Variants in FRS2 observed in about 807,000 individuals in gnomAD.
FRS2 encodes fibroblast growth factor receptor substrate 2, also known as FGFR signalling adaptor.
In FRS2, 8 loss-of-function variants were observed where a neutral mutation model predicts 43.9. That is an observed-to-expected ratio of 0.18 (90% confidence interval 0.11 to 0.33). The LOEUF is 0.33. FRS2 is among the 10% of genes least tolerant of loss of function. The probability of loss-of-function intolerance (pLI) is 1.00; values close to 1 mark genes in which losing one functional copy is unlikely to be tolerated. For synonymous variants in FRS2, 219 were observed against 220.3 expected (o/e 0.99, Z 0.05); for missense variants, 534 against 627.6 (o/e 0.85, Z 1.59).
chr12:69,541,824 C>CAAAA (rs10605112), intron 3 of FRS2, among the ~76,000 whole-genome samples: 1 of 90,842 alleles, frequency 1.1e-5, no homozygotes, highest in African/African-American at 4.3e-5. Context: ...GACCCTGTCT[C>CAAAA]AAAAAAAAAA....
intron 3 of FRS2, among the ~76,000 whole-genome samples, chr12:69,536,961 A>G (rs1301833502): frequency 1.3e-5 from 2 of 152,044 alleles, no homozygotes; most frequent in Non-Finnish European, 2.9e-5. Flanking sequence ...TGAGTTGGAC[A>G]TATATATTTG....
Position 69,474,414 on chromosome 12 carries a change from G to A in FRS2, c.-261+3884G>A, listed in dbSNP as rs1427233757. Among the ~76,000 whole-genome samples, 10 of 138,218 alleles carry A rather than the reference G, an allele frequency of 7.2e-5. 1 individual carries two copies. In the Admixed American group the frequency reaches 7.3e-4, roughly 10 times the overall value. The allele number at this position is 138,218 out of a possible 152,430, so 90.7% of individuals were successfully genotyped here. On this transcript the variant is annotated intron_variant, in intron 1 of 8. Coordinates refer to ENST00000549921, the MANE Select transcript of FRS2 (RefSeq NM_001278356.2). ...GAAGATGAAAGTGCCAAGGGAGAATGTAGAGGGGAAAGAAAAAAAAAACTT... is the reference window on the plus strand; with the variant it reads ...GAAGATGAAAGTGCCAAGGGAGAATATAGAGGGGAAAGAAAAAAAAAACTT...
At chr12:69,485,792 A>G (rs1291114450) in intron 1 of FRS2, among the ~76,000 whole-genome samples, 1 of 152,218 alleles carries the variant, frequency 6.6e-6, no homozygotes, top group African/African-American at 2.4e-5. Context: ...TTGAATACTT[A>G]CTAAGATTCA....
At chr12:69,545,247 C>T (rs555203934) in intron 3 of FRS2, among the ~76,000 whole-genome samples, 1 of 152,132 alleles carries the variant, frequency 6.6e-6, no homozygotes, top group African/African-American at 2.4e-5. Context: ...CCTATCAAAA[C>T]CACAATGATG....
rs936246464 is a variant in FRS2, at chr12:69,576,800, C to T, written c.*1845C>T. On this transcript the variant is annotated 3_prime_UTR_variant, in exon 9 of 9. Coordinates refer to ENST00000549921, the MANE Select transcript of FRS2 (RefSeq NM_001278356.2). Reference sequence around the variant, plus strand: ...TGCATAGCAGAATTTTCTTTTCTCCCTTTTGTTCCCCTGTGAACTTGGTGC... The same window carrying T: ...TGCATAGCAGAATTTTCTTTTCTCCTTTTTGTTCCCCTGTGAACTTGGTGC... The T allele has an allele frequency of 1.3e-5, 2 of 152,488 alleles. No homozygotes were observed. Among genetic ancestry groups the T allele is most frequent in the Non-Finnish European group, 2.9e-5 (2 of 68,016 alleles). 9.4% of individuals were successfully genotyped at this position (152,488 alleles called of 1,614,324 possible).
At chr12:69,559,534 G>A (rs997703748) in intron 3 of FRS2, among the ~76,000 whole-genome samples, 4 of 152,116 alleles carry the variant, frequency 2.6e-5, no homozygotes, top group Non-Finnish European at 5.9e-5. Flanking sequence ...AAATAGTCAC[G>A]TACCTTTGTA....
chr12:69,514,338 T>C (rs1874766209), intron 1 of FRS2, among the ~76,000 whole-genome samples: 1 of 152,212 alleles, frequency 6.6e-6, no homozygotes, highest in Non-Finnish European at 1.5e-5. Context: ...CTGCTGGCTC[T>C]GGATGACTCT....
chr12:69,526,922 A>G (rs1258026487), intron 1 of FRS2, among the ~76,000 whole-genome samples: 1 of 152,096 alleles, frequency 6.6e-6, no homozygotes, highest in African/African-American at 2.4e-5. Context: ...ACAGGGTTTC[A>G]CCATGTTATC....
At chr12:69,543,205 T>C (rs1878073100) in intron 3 of FRS2, among the ~76,000 whole-genome samples, 2 of 152,214 alleles carry the variant, frequency 1.3e-5, no homozygotes, top group South Asian at 4.1e-4. Flanking sequence ...AGCCCCATTT[T>C]TACAAGTCAT....
Position 69,565,598 on chromosome 12 carries a change from T to C in FRS2, c.-27+3324T>C, listed in dbSNP as rs73323719. 1.0e-2 allele frequency among the ~76,000 whole-genome samples: 1,517 copies of C among 152,302 alleles called. 20 individuals carry two copies. The highest frequency in any genetic ancestry group is 0.035 in the African/African-American group (1,459 of 41,548). On this transcript the variant is annotated intron_variant, in intron 4 of 8. Transcript: ENST00000549921. Reference sequence around the variant, plus strand: ...TGTTTTTAAAATTTTTAATTTTTTTTTAACCTTTAAAACTTCTGTTAAAAA... The same window carrying C: ...TGTTTTTAAAATTTTTAATTTTTTTCTAACCTTTAAAACTTCTGTTAAAAA...
chr12:69,525,752 GT>G, intron 1 of FRS2, among the ~76,000 whole-genome samples: 1 of 151,614 alleles, frequency 6.6e-6, no homozygotes, highest in Non-Finnish European at 1.5e-5. Flanking sequence ...AGTGGTATGT[GT>G]TTTTTTAAAA....
intron 1 of FRS2, among the ~76,000 whole-genome samples, chr12:69,502,556 A>C (rs1472323673): frequency 6.6e-6 from 1 of 152,106 alleles, no homozygotes; most frequent in Non-Finnish European, 1.5e-5. Context: ...GGTTGATGAC[A>C]GCTTATCCAG....
At chr12:69,511,273 T>C (rs1311608557) in intron 1 of FRS2, among the ~76,000 whole-genome samples, 1 of 152,190 alleles carries the variant, frequency 6.6e-6, no homozygotes, top group Non-Finnish European at 1.5e-5. Context: ...AATGAATACT[T>C]GCTTATGTAC....
At chr12:69,569,289 C>T (rs1347253406) in intron 5 of FRS2, among the ~76,000 whole-genome samples, 193 bp downstream of exon 5, 1 of 152,020 alleles carries the variant, frequency 6.6e-6, no homozygotes, top group Non-Finnish European at 1.5e-5. Context: ...AGTTTTCCTT[C>T]GGTCCTCTGT....
chr12:69,483,354 A>G (rs1409262169), intron 1 of FRS2, among the ~76,000 whole-genome samples: 3 of 152,178 alleles, frequency 2.0e-5, no homozygotes, highest in Admixed American at 6.5e-5. Flanking sequence ...TGTAGTTACA[A>G]TGCCCCGTGA....
chr12:69,552,882 A>C (rs12308354), intron 3 of FRS2, among the ~76,000 whole-genome samples: 4,022 of 150,238 alleles, frequency 0.027, 163 homozygotes, highest in African/African-American at 0.092. Context: ...ACAGAGCGAG[A>C]CTCCATCTCA....
chr12:69,491,484 T>A (rs1872481772), intron 1 of FRS2: 1 of 150,954 alleles, frequency 6.6e-6, no homozygotes, highest in African/African-American at 2.4e-5. Context: ...GTTTGTTTCC[T>A]ATCTTTGGTG....
intron 1 of FRS2, among the ~76,000 whole-genome samples, chr12:69,478,557 CAGTA>C (rs948111240): frequency 1.1e-4 from 17 of 152,134 alleles, no homozygotes; most frequent in African/African-American, 3.6e-4. Flanking sequence ...ATTAGGCACT[CAGTA>C]AGTATTTGTT....
chr12:69,510,295 TA>T (rs1874336577), intron 1 of FRS2, among the ~76,000 whole-genome samples: 1 of 152,216 alleles, frequency 6.6e-6, no homozygotes, highest in Non-Finnish European at 1.5e-5. Context: ...GTGCCCTCGG[TA>T]GAGTTAATTA....
Sources: gnomAD v4.1 joint callset for allele counts (sites outside exome capture counted in the v4.1 genomes callset) on GRCh38, gnomAD v4.1.1 for gene constraint, MANE v1.5 for transcripts, NCBI Gene and HGNC (gene_info 2026-07-23, HGNC 2026-07-21) for gene names.